DBH: variants seen among roughly 807,000 people sequenced by gnomAD.
The protein encoded by DBH is dopamine beta-hydroxylase (dopamine beta-monooxygenase).
A neutral mutation model predicts 64.0 loss-of-function variants in DBH; 49 were observed. The ratio of observed to expected loss-of-function variants is 0.77; its 90% CI spans 0.61 to 0.97. The LOEUF is 0.97. Ranked by LOEUF, DBH falls within the 50% of genes least tolerant of loss-of-function variation. The pLI is 0.00. For synonymous variants in DBH, 343 were observed against 347.1 expected, an observed-to-expected ratio of 0.99 and a Z score of 0.13; for missense variants, 828 against 826.6, an observed-to-expected ratio of 1.00 and a Z score of -0.02.
Position 133,636,692 on chromosome 9 carries a change from G to A in DBH, c.321G>A (p.Gly107=). 3 of 1,604,096 alleles carry A rather than the reference G, an allele frequency of 1.9e-6. No individual in the cohort carries two copies. The highest frequency in any genetic ancestry group is 2.2e-5 in the East Asian group (1 of 44,882). ...ATCTCGTGGTGCTCTGGACCGATGGGGACACTGCCTATTTTGCGGTGAGTC... is the reference window on the plus strand; with the variant it reads ...ATCTCGTGGTGCTCTGGACCGATGGAGACACTGCCTATTTTGCGGTGAGTC... The part of the protein sequence containing the change: ...NADLVVLWTD[G]DTAYFADAWS... The change falls in exon 1 of 12, where the codon GGG becomes GGA. Residue 107 remains glycine, a synonymous_variant. Coordinates refer to ENST00000393056, the MANE Select transcript of DBH (RefSeq NM_000787.4).
At position 133,651,940 on chromosome 9, in the gene DBH, G is replaced by GGGTGTCT. The variant is rs34553440; in HGVS notation, c.1335+172_1335+178dup. Among the ~76,000 whole-genome samples, 10,940 of 151,984 alleles carry GGGTGTCT rather than the reference G, an allele frequency of 0.072. 890 individuals carry two copies. Among genetic ancestry groups the GGGTGTCT allele is most frequent in the African/African-American group, 0.2 (8,250 of 41,374 alleles). On this transcript the variant is annotated intron_variant, in intron 7 of 11. Transcript: ENST00000393056. Reference sequence around the variant, plus strand: ...CCCATGTGGCCTGTGCTCCCCACTTGGGTGTCTGGTGTCTGATCGTAGGGA... The same window carrying GGGTGTCT: ...CCCATGTGGCCTGTGCTCCCCACTTGGGTGTCTGGTGTCTGGTGTCTGATCGTAGGGA...
intron 1 of DBH, among the ~76,000 whole-genome samples, chr9:133,638,427 AAC>A (rs1832076977): frequency 6.6e-6 from 1 of 152,242 alleles, no homozygotes; most frequent in African/African-American, 2.4e-5. Context: ...ATTAAAAAGA[AAC>A]ACAACCCAAA....
chr9:133,648,333 G>A (rs984998303), intron 6 of DBH, among the ~76,000 whole-genome samples: 3 of 152,154 alleles, frequency 2.0e-5, no homozygotes, highest in East Asian at 1.9e-4. Context: ...ACTCACAAGC[G>A]CAGGCACTGC....
At chr9:133,647,662 A>C (rs1272507764) in intron 5 of DBH, among the ~76,000 whole-genome samples, 184 bp from the exon 6 acceptor site, 4 of 152,184 alleles carry the variant, frequency 2.6e-5, no homozygotes, top group Admixed American at 2.6e-4. Flanking sequence ...GCTGCCTGGC[A>C]TCCACAGGTG....
chr9:133,653,172 G>A (rs1832272488), intron 9 of DBH, among the ~76,000 whole-genome samples, 173 bp downstream of exon 9: 1 of 152,166 alleles, frequency 6.6e-6, no homozygotes, highest in African/African-American at 2.4e-5. Flanking sequence ...GGGAGCTTGG[G>A]ATGAATGCAA....
At chr9:133,638,063 C>T (rs567631453) in intron 1 of DBH, among the ~76,000 whole-genome samples, 1 of 152,360 alleles carries the variant, frequency 6.6e-6, no homozygotes, top group South Asian at 2.1e-4. Flanking sequence ...TCTGGGGCAG[C>T]GTCCCCCCTG....
chr9:133,652,459 GACTC>G (rs1832262672), intron 8 of DBH, among the ~76,000 whole-genome samples, 175 bp downstream of exon 8: 1 of 152,158 alleles, frequency 6.6e-6, no homozygotes, highest in African/African-American at 2.4e-5. Flanking sequence ...CTCATGGGGA[GACTC>G]ACTCAGGAGT....
At chr9:133,654,676 G>C (rs1361951771) in intron 9 of DBH, 3 of 152,268 alleles carry the variant, frequency 2.0e-5, no homozygotes, top group South Asian at 2.1e-4. Flanking sequence ...GCTCAGCACT[G>C]CTCTAATAAC....
At chr9:133,645,165 A>G (rs1832168235) in intron 5 of DBH, among the ~76,000 whole-genome samples, 1 of 151,270 alleles carries the variant, frequency 6.6e-6, no homozygotes, top group African/African-American at 2.4e-5. Context: ...TCCCACAGCT[A>G]TTGTGAAGCT....
chr9:133,636,505 G>GCCCCCTCCCCTATCACAT lies in DBH; in HGVS notation c.141_158dup (p.Pro48_Leu53dup). ...CTGCAGGGCTCGGCTCCCCGTGAGAGCCCCCTCCCCTATCACATCCCCCTG... is the reference window on the plus strand; with the variant it reads ...CTGCAGGGCTCGGCTCCCCGTGAGAGCCCCCTCCCCTATCACATCCCCCTCCCCTATCACATCCCCCTG... On this transcript the variant is annotated inframe_insertion, in exon 1 of 12. Coordinates refer to ENST00000393056, the MANE Select transcript of DBH (RefSeq NM_000787.4). The GCCCCCTCCCCTATCACAT allele has an allele frequency of 6.2e-7, 1 of 1,613,314 alleles. No individual in the cohort carries two copies. The highest frequency in any genetic ancestry group is 8.5e-7 in the Non-Finnish European group (1 of 1,179,998).
chr9:133,652,349 G>A (rs1335898617), intron 8 of DBH, 65 bp downstream of exon 8: 23 of 1,573,594 alleles, frequency 1.5e-5, no homozygotes, highest in Non-Finnish European at 1.9e-5. Flanking sequence ...AGAGGGCTGG[G>A]GGTGCCACCA....
At chr9:133,652,150 G>A (rs1000310701) in intron 7 of DBH, 96 bp from the exon 8 acceptor site, 3 of 1,423,244 alleles carry the variant, frequency 2.1e-6, no homozygotes, top group Admixed American at 1.7e-5. Flanking sequence ...ACCCCCAGAG[G>A]TCAGGGAGGC....
In DBH at chr9:133,636,488, C is replaced by T. The variant is rs1395839860; in HGVS notation, c.117C>T (p.Gly39=). Residue 39 remains glycine (G), a synonymous_variant, in exon 1 of 12, where the codon GGC becomes GGT. Coordinates refer to ENST00000393056, the MANE Select transcript of DBH (RefSeq NM_000787.4). Reference sequence around the variant, plus strand: ...TCATCCTGGTGGCCGCACTGCAGGGCTCGGCTCCCCGTGAGAGCCCCCTCC... The same window carrying T: ...TCATCCTGGTGGCCGCACTGCAGGGTTCGGCTCCCCGTGAGAGCCCCCTCC... ...FLVILVAALQ[G]SAPRESPLPY... 3 of 1,613,306 alleles carry T rather than the reference C, an allele frequency of 1.9e-6. No individual in the cohort carries two copies. The highest frequency in any genetic ancestry group is 1.6e-4 in the Middle Eastern group (1 of 6,062).
intron 6 of DBH, 28 bp downstream of exon 6, chr9:133,648,040 C>T: frequency 1.2e-6 from 2 of 1,601,028 alleles, no homozygotes. Flanking sequence ...CGGCACTGCA[C>T]CCTCCCTCCT....
At chr9:133,657,471 AGGGAGAGG>A (rs1832346690) in intron 11 of DBH, among the ~76,000 whole-genome samples, 1 of 137,490 alleles carries the variant, frequency 7.3e-6, no homozygotes, top group Non-Finnish European at 1.6e-5. Context: ...AGAGGGAGAG[AGGGAGAGG>A]GAGAGAGGAG....
rs774304810 is a variant in DBH at position 133,648,851 on chromosome 9, T to C, written c.1191+839T>C. Among the ~76,000 whole-genome samples the C allele has an allele frequency of 5.8e-4, 88 of 152,366 alleles. 1 individual carries two copies. Among genetic ancestry groups the C allele is most frequent in the Middle Eastern group, 3.4e-3 (1 of 294 alleles). On this transcript the variant is annotated intron_variant, in intron 6 of 11. Transcript: ENST00000393056. ...CAGTGTCTAGGCTGTTCTCAACTTTTCACCAATAGAAAGAAGCTTCTGGGA... is the reference window on the plus strand; with the variant it reads ...CAGTGTCTAGGCTGTTCTCAACTTTCCACCAATAGAAAGAAGCTTCTGGGA...
rs1832375380 is a variant in DBH, at chr9:133,659,006, T to A, written c.*559T>A. The stretch of plus-strand genomic sequence containing the variant: ...CCTGGGAAATTGCTCCATTCCTGAG[T>A]AAACAGATATTTTCGCCCACCTAAA... On this transcript the variant is annotated 3_prime_UTR_variant, in exon 12 of 12. Coordinates refer to ENST00000393056, the MANE Select transcript of DBH (RefSeq NM_000787.4). The A allele has an allele frequency of 1.3e-5, 2 of 152,088 alleles. No homozygotes were observed. Among genetic ancestry groups the A allele is most frequent in the African/African-American group, 4.8e-5 (2 of 41,396 alleles). The allele number at this position is 152,088 out of a possible 1,614,324, so 9.4% of individuals were successfully genotyped here.
chr9:133,659,102 T>A lies in DBH; in HGVS notation c.*655T>A, dbSNP rs1416628049. ...ATCCAGCGGGGCTTCTGGGCGCCGG[T>A]TCCACGTGGGGTGGAATTATTAGCA... is the stretch of plus-strand genomic sequence containing the variant. On this transcript the variant is annotated 3_prime_UTR_variant, in exon 12 of 12. Transcript: ENST00000393056. 1 of 152,120 alleles carries A rather than the reference T, an allele frequency of 6.6e-6. No homozygotes were observed. The highest frequency in any genetic ancestry group is 2.4e-5 in the African/African-American group (1 of 41,384). 9.4% of individuals were successfully genotyped at this position (152,120 alleles called of 1,614,324 possible).
intron 5 of DBH, 61 bp downstream of exon 5, chr9:133,644,381 G>A: frequency 7.2e-7 from 1 of 1,398,120 alleles, no homozygotes; most frequent in East Asian, 2.3e-5. Flanking sequence ...TTGAGCCAGT[G>A]AGCAAATCCC....
Sources: allele counts gnomAD v4.1 joint callset (sites outside exome capture counted in the v4.1 genomes callset), GRCh38; gene constraint gnomAD v4.1.1; transcripts MANE v1.5; gene names NCBI Gene and HGNC (gene_info 2026-07-23, HGNC 2026-07-21).